The following CFDP1 variants were observed in gnomAD, a reference collection of about 807,000 sequenced individuals.
CFDP1 encodes the protein heterochromatin-stabilizing protein CFDP1.
CFDP1 carries 31 observed loss-of-function variants against 40.1 expected under a neutral mutation model. That is an observed-to-expected ratio of 0.77 (90% confidence interval 0.58 to 1.04). CFDP1 has a LOEUF of 1.04. Among genes scored for constraint, CFDP1 ranks in the 50% least tolerant of loss-of-function variants. The pLI, the probability that CFDP1 is intolerant of heterozygous loss-of-function variation, is 0.00. For missense variants in CFDP1, 423 were observed against 343.4 expected (o/e 1.23, Z -1.83); for synonymous variants, 167 against 120.0 (o/e 1.39, Z -2.56).
At chr16:75,419,122 T>TA (rs1424557225) in intron 1 of CFDP1, 4 of 364,342 alleles carry the variant, frequency 1.1e-5, no homozygotes, top group South Asian at 2.1e-5. Context: ...TAAATAATAA[T>TA]AAAAAAAGAT....
rs3833048 is a variant in CFDP1, at chr16:75,433,178, G to GCCC, written c.64+108_64+110dup. On this transcript the variant is annotated intron_variant, in intron 1 of 6. Coordinates refer to ENST00000283882, the MANE Select transcript of CFDP1 (RefSeq NM_006324.3). ...AGGGAGCGGACGCTCGAGAACAGGA[G>GCCC]CCCCCCTGGACCACCTGGGCCACAG... 7 of 954,012 alleles carry GCCC rather than the reference G, an allele frequency of 7.3e-6. No individual in the cohort carries two copies. In the South Asian group the frequency reaches 1.0e-4, roughly 14 times the overall value. 59.1% of individuals were successfully genotyped at this position (954,012 alleles called of 1,614,324 possible).
At chr16:75,311,002 G>C (rs147865594) in intron 5 of CFDP1, among the ~76,000 whole-genome samples, 7 of 152,236 alleles carry the variant, frequency 4.6e-5, no homozygotes, top group African/African-American at 1.7e-4. Context: ...AATATACAAA[G>C]CTTAATTTTC....
At chr16:75,338,963 A>G (rs2078509004) in intron 5 of CFDP1, among the ~76,000 whole-genome samples, 1 of 152,146 alleles carries the variant, frequency 6.6e-6, no homozygotes, top group Non-Finnish European at 1.5e-5. Flanking sequence ...TTATATGTGT[A>G]CAATTTGAGT....
chr16:75,304,556 G>T (rs79732479), intron 6 of CFDP1, among the ~76,000 whole-genome samples: 3,363 of 152,186 alleles, frequency 0.022, 71 homozygotes, highest in African/African-American at 0.054. Context: ...TATAGCCAAG[G>T]GTAAAGCCCC....
At chr16:75,328,492 G>A (rs1050261990) in intron 5 of CFDP1, among the ~76,000 whole-genome samples, 1 of 147,746 alleles carries the variant, frequency 6.8e-6, no homozygotes, top group Non-Finnish European at 1.5e-5. Flanking sequence ...CAGCTACTTC[G>A]GGAGGCTGAA....
chr16:75,294,678 C>T (rs925704005), intron 6 of CFDP1, among the ~76,000 whole-genome samples: 2 of 152,164 alleles, frequency 1.3e-5, no homozygotes, highest in Non-Finnish European at 2.9e-5. Flanking sequence ...CCGCAGTATC[C>T]TCCACCCTGT....
chr16:75,324,280 C>T (rs919168382), intron 5 of CFDP1, among the ~76,000 whole-genome samples: 1 of 152,036 alleles, frequency 6.6e-6, no homozygotes, highest in African/African-American at 2.4e-5. Context: ...GGGGGACGAG[C>T]TGGGATAGAG....
At chr16:75,368,456 G>A (rs990107335) in intron 5 of CFDP1, among the ~76,000 whole-genome samples, 1 of 152,156 alleles carries the variant, frequency 6.6e-6, no homozygotes, top group Admixed American at 6.5e-5. Flanking sequence ...CATGCACATG[G>A]AGAGATTCAT....
chr16:75,347,834 G>A (rs1393280535), intron 5 of CFDP1, among the ~76,000 whole-genome samples: 1 of 152,112 alleles, frequency 6.6e-6, no homozygotes, highest in Non-Finnish European at 1.5e-5. Context: ...CTCTCTGGTG[G>A]TCTCTCCAAC....
intron 5 of CFDP1, among the ~76,000 whole-genome samples, chr16:75,357,402 G>A (rs1289147444): frequency 6.6e-6 from 1 of 151,976 alleles, no homozygotes; most frequent in Non-Finnish European, 1.5e-5. Flanking sequence ...CTACAGGTGT[G>A]CACCACCATG....
intron 4 of CFDP1, among the ~76,000 whole-genome samples, chr16:75,411,156 C>G (rs1244045316): frequency 6.6e-6 from 1 of 151,618 alleles, no homozygotes. Flanking sequence ...AGGTGGAGGT[C>G]GCAATGAGCC....
chr16:75,364,719 T>C (rs1211198989), intron 5 of CFDP1, among the ~76,000 whole-genome samples: 3 of 152,246 alleles, frequency 2.0e-5, no homozygotes, highest in Admixed American at 6.5e-5. Flanking sequence ...ATGCTACTTA[T>C]GTTAACATGT....
At chr16:75,329,051 G>A (rs1311785110) in intron 5 of CFDP1, among the ~76,000 whole-genome samples, 1 of 152,014 alleles carries the variant, frequency 6.6e-6, no homozygotes, top group Non-Finnish European at 1.5e-5. Context: ...GTTTCTCCAT[G>A]TTGGTCAGGC....
At chr16:75,415,818 A>G (rs1423668502) in intron 1 of CFDP1, among the ~76,000 whole-genome samples, 1 of 152,202 alleles carries the variant, frequency 6.6e-6, no homozygotes, top group African/African-American at 2.4e-5. Context: ...GAGTCATTAC[A>G]AACAGTACTG....
At chr16:75,403,090 G>A (rs12149472) in intron 4 of CFDP1, among the ~76,000 whole-genome samples, 30,727 of 152,072 alleles carry the variant, frequency 0.2, 3,286 homozygotes, top group African/African-American at 0.26. Flanking sequence ...GAAAACAGCA[G>A]ACGCCCTGAA....
At chr16:75,329,242 T>A (rs545082390) in intron 5 of CFDP1, among the ~76,000 whole-genome samples, 7 of 152,254 alleles carry the variant, frequency 4.6e-5, no homozygotes, top group African/African-American at 1.4e-4. Flanking sequence ...TGCACTGGCC[T>A]CTCAAAGTGC....
At chr16:75,410,890 C>A (rs1241417773) in intron 4 of CFDP1, among the ~76,000 whole-genome samples, 1 of 118,482 alleles carries the variant, frequency 8.4e-6, no homozygotes, top group Non-Finnish European at 1.6e-5. Context: ...GCCTGGGCGA[C>A]AGAGCAAGAC....
intron 6 of CFDP1, among the ~76,000 whole-genome samples, chr16:75,303,026 C>G (rs1437809960): frequency 6.6e-6 from 1 of 152,174 alleles, no homozygotes; most frequent in Non-Finnish European, 1.5e-5. Flanking sequence ...ATGGTGAAAT[C>G]CCGTCTCTAC....
At chr16:75,422,115 AGACG>A (rs2079287131) in intron 1 of CFDP1, among the ~76,000 whole-genome samples, 1 of 151,968 alleles carries the variant, frequency 6.6e-6, no homozygotes, top group Admixed American at 6.6e-5. Flanking sequence ...CTTTTTTTTG[AGACG>A]GAGTTTCGCT....
Sources: allele counts gnomAD v4.1 joint callset (sites outside exome capture counted in the v4.1 genomes callset), GRCh38; gene constraint gnomAD v4.1.1; transcripts MANE v1.5; gene names NCBI Gene and HGNC (gene_info 2026-07-23, HGNC 2026-07-21).